The following PCDH15 variants were observed in gnomAD, a reference collection of about 807,000 sequenced individuals.
The protein encoded by PCDH15 is protocadherin related 15.
A neutral mutation model predicts 178.5 loss-of-function variants in PCDH15; 129 were observed. That is an observed-to-expected ratio of 0.72 (90% CI 0.63 to 0.84). The LOEUF is 0.84. PCDH15 is among the 40% of genes least tolerant of loss of function. The probability of loss-of-function intolerance (pLI) is 0.00; values close to 1 mark genes in which losing one functional copy is unlikely to be tolerated. For missense variants in PCDH15, 2,230 were observed against 2,099.9 expected (o/e 1.06, Z -1.21); for synonymous variants, 800 against 732.0 (o/e 1.09, Z -1.50).
chr10:54,367,094 G>A (rs1349664366), intron 5 of PCDH15, among the ~76,000 whole-genome samples: 1 of 152,034 alleles, frequency 6.6e-6, no homozygotes, highest in African/African-American at 2.4e-5. Flanking sequence ...TTTGAGACTT[G>A]CATGGTAGGG....
intron 8 of PCDH15, among the ~76,000 whole-genome samples, chr10:54,293,357 A>C (rs2059546507): frequency 6.6e-6 from 1 of 152,226 alleles, no homozygotes; most frequent in Non-Finnish European, 1.5e-5. Context: ...CTAAAATCAT[A>C]AAAACCTGAG....
intron 2 of PCDH15, among the ~76,000 whole-genome samples, chr10:54,603,776 C>A (rs1418361273): frequency 6.6e-6 from 1 of 151,926 alleles, no homozygotes. Flanking sequence ...TTAGCCTGTA[C>A]ACTCCACCTA....
intron 3 of PCDH15, among the ~76,000 whole-genome samples, chr10:54,423,950 A>G (rs1159012464): frequency 1.3e-5 from 2 of 151,942 alleles, no homozygotes; most frequent in African/African-American, 2.4e-5. Flanking sequence ...GGACATAGGC[A>G]TGGGCAAGGA....
chr10:54,555,142 TTAAC>T (rs1337956427), intron 2 of PCDH15, among the ~76,000 whole-genome samples: 1 of 152,148 alleles, frequency 6.6e-6, no homozygotes, highest in Non-Finnish European at 1.5e-5. Context: ...TCTCTAAACA[TTAAC>T]AGACAGTATC....
At chr10:54,249,469 A>G (rs12263788) in intron 8 of PCDH15, among the ~76,000 whole-genome samples, 6,764 of 152,146 alleles carry the variant, frequency 0.044, 386 homozygotes, top group African/African-American at 0.13. Context: ...TACTTGATAT[A>G]TTTGTGTCTT....
At chr10:55,220,305 C>T (rs1840834012) in intron 1 of PCDH15, among the ~76,000 whole-genome samples, 2 of 151,952 alleles carry the variant, frequency 1.3e-5, no homozygotes, top group South Asian at 4.1e-4. Context: ...GTAAGTCTCG[C>T]TCTTTTTTTA....
At chr10:55,596,778 G>A (rs1842943336) in intron 2 of PCDH15, among the ~76,000 whole-genome samples, 1 of 152,020 alleles carries the variant, frequency 6.6e-6, no homozygotes, top group Non-Finnish European at 1.5e-5. Flanking sequence ...ATGCCATTAT[G>A]TCAAACAAAC....
intron 9 of PCDH15, among the ~76,000 whole-genome samples, chr10:54,223,497 C>T (rs1021019161): frequency 1.8e-4 from 9 of 48,736 alleles, no homozygotes; most frequent in Non-Finnish European, 5.3e-4. Flanking sequence ...TCCAATTGTT[C>T]TGCAATGTTG....
At chr10:54,998,144 T>C (rs1185616744) in intron 2 of PCDH15, among the ~76,000 whole-genome samples, 1 of 152,146 alleles carries the variant, frequency 6.6e-6, no homozygotes, top group Non-Finnish European at 1.5e-5. Context: ...TCACAAGTCA[T>C]CTAAAGGTTA....
chr10:55,267,660 T>G (rs1461190510), intron 1 of PCDH15, among the ~76,000 whole-genome samples: 1 of 152,210 alleles, frequency 6.6e-6, no homozygotes, highest in Non-Finnish European at 1.5e-5. Context: ...ATGCATGTTT[T>G]TCTTATTCAA....
At chr10:54,980,484 T>A (rs1231204818) in intron 2 of PCDH15, among the ~76,000 whole-genome samples, 4 of 152,088 alleles carry the variant, frequency 2.6e-5, no homozygotes, top group Admixed American at 2.0e-4. Context: ...TACATTTTCC[T>A]CTCTTTTTCA....
chr10:55,266,855 C>A (rs528920266), intron 1 of PCDH15, among the ~76,000 whole-genome samples: 2 of 152,284 alleles, frequency 1.3e-5, no homozygotes, highest in East Asian at 3.9e-4. Flanking sequence ...GGCAGAGGAT[C>A]TAATTGAGAT....
intron 2 of PCDH15, among the ~76,000 whole-genome samples, chr10:55,578,929 G>A (rs1361832285): frequency 6.6e-6 from 1 of 152,144 alleles, no homozygotes; most frequent in Non-Finnish European, 1.5e-5. Flanking sequence ...CCCTCCCATA[G>A]CATGTGGGAT....
intron 28 of PCDH15, among the ~76,000 whole-genome samples, chr10:53,848,585 T>TAAAA (rs2132887115): frequency 6.6e-6 from 1 of 152,116 alleles, no homozygotes; most frequent in East Asian, 1.9e-4. Context: ...AATGTTTTTT[T>TAAAA]CCTTAGTGTT....
Position 54,153,118 on chromosome 10 carries a change from G to A in PCDH15, c.1766C>T (p.Ala589Val). The change falls in exon 14 of 38, where the codon GCT (alanine) becomes GTT (valine). Residue 589 changes from alanine (A) to valine (V), a missense_variant. By Grantham distance (64) the Ala-to-Val change is moderately conservative (BLOSUM62 0). Transcript: ENST00000644397. ...AAATTACCTTCGCTCTGCAGGAGGA[G>A]CATTATCCGCTGCTTGGACCGTGAG... The part of the protein sequence containing the change: ...YALTVQAADN[A>V]PPAERRNSIC... 5 of 1,613,830 alleles carry A rather than the reference G, an allele frequency of 3.1e-6. No homozygotes were observed. The South Asian group carries it at 4.4e-5, about 14-fold the overall frequency.
At chr10:54,933,571 C>T (rs1837834550) in intron 2 of PCDH15, among the ~76,000 whole-genome samples, 1 of 152,036 alleles carries the variant, frequency 6.6e-6, no homozygotes, top group Non-Finnish European at 1.5e-5. Context: ...TTGTCTGATA[C>T]AGGAAATTTA....
intron 2 of PCDH15, among the ~76,000 whole-genome samples, chr10:55,454,516 G>A (rs1589042178): frequency 6.6e-6 from 1 of 151,680 alleles, no homozygotes; most frequent in Non-Finnish European, 1.5e-5. Context: ...TGTGGCTCAC[G>A]CCTGTAATTT....
rs188113622 is a variant in PCDH15, at chr10:54,007,148, C to A, written c.2752-11383G>T. On this transcript the variant is annotated intron_variant, in intron 20 of 37. Coordinates refer to ENST00000644397, the MANE Select transcript of PCDH15 (RefSeq NM_001384140.1). ...TTGCTGTAGAACAGCCCTTTTCTTT[C>A]TGTGTATTTTCTATATTATGTTACA... 7.9e-5 allele frequency among the ~76,000 whole-genome samples: 12 copies of A among 152,256 alleles called. No homozygotes were observed. The East Asian group carries it at 2.3e-3, about 29-fold the overall frequency.
rs534544103 is a variant in PCDH15, at chr10:55,228,594, T to C, written c.-155-61943A>G. ...ACCTACTTAGAAGTTATCAAATACA[T>C]GTATGTTTGATTCAATCTCATATTT... On this transcript the variant is annotated intron_variant, in intron 1 of 5. Transcript: ENST00000458638. Among the ~76,000 whole-genome samples, 15 of 152,114 alleles carry C rather than the reference T, an allele frequency of 9.9e-5. 1 individual carries two copies. The South Asian group carries it at 3.1e-3, about 32-fold the overall frequency.
Sources: allele counts gnomAD v4.1 joint callset (sites outside exome capture counted in the v4.1 genomes callset), GRCh38; gene constraint gnomAD v4.1.1; transcripts MANE v1.5; gene names NCBI Gene and HGNC (gene_info 2026-07-23, HGNC 2026-07-21).